SYT16: variants seen among roughly 807,000 people sequenced by gnomAD.
SYT16 encodes synaptotagmin-16.
SYT16 carries 42 observed loss-of-function variants against 61.4 expected under a neutral mutation model. The ratio of observed to expected loss-of-function variants is 0.68; its 90% CI spans 0.53 to 0.89. The LOEUF (loss-of-function observed/expected upper bound fraction) is 0.89, where lower values mean the gene tolerates loss of function less well. SYT16 is among the 40% of genes least tolerant of loss of function. The pLI is 0.00. For synonymous variants in SYT16, 314 were observed against 302.3 expected, an observed-to-expected ratio of 1.04 and a Z score of -0.40; for missense variants, 804 against 807.3, an observed-to-expected ratio of 1.00 and a Z score of 0.05.
At chr14:62,031,942 A>G (rs1025956104) in intron 3 of SYT16, among the ~76,000 whole-genome samples, 1 of 152,164 alleles carries the variant, frequency 6.6e-6, no homozygotes, top group Non-Finnish European at 1.5e-5. Context: ...CCTAAAAGCA[A>G]GAGGCTGTAG....
At chr14:62,082,867 C>T (rs1375885548) in intron 6 of SYT16, among the ~76,000 whole-genome samples, 1 of 152,164 alleles carries the variant, frequency 6.6e-6, no homozygotes, top group Non-Finnish European at 1.5e-5. Context: ...CTTTCATTCA[C>T]CAGTTATTTG....
chr14:61,874,575 C>G (rs2047428907), intron 1 of SYT16, among the ~76,000 whole-genome samples: 1 of 152,090 alleles, frequency 6.6e-6, no homozygotes, highest in Admixed American at 6.5e-5. Flanking sequence ...CCAGGTATTA[C>G]AGTGCTTCAA....
chr14:62,062,526 C>T (rs2055870164), intron 3 of SYT16, among the ~76,000 whole-genome samples: 1 of 152,088 alleles, frequency 6.6e-6, no homozygotes, highest in Admixed American at 6.6e-5. Context: ...CTTAGACTTC[C>T]TCAGGGAATA....
At chr14:61,832,229 G>C in intron 1 of SYT16, 1 of 630,712 alleles carries the variant, frequency 1.6e-6, no homozygotes, top group Non-Finnish European at 3.1e-6. Flanking sequence ...GGGCCACATC[G>C]GGTACGGGAT....
chr14:61,986,216 TA>T (rs34924933), intron 2 of SYT16, among the ~76,000 whole-genome samples: 1 of 152,112 alleles, frequency 6.6e-6, no homozygotes, highest in Non-Finnish European at 1.5e-5. Context: ...TGTTATTTAT[TA>T]AGTTGTTTAA....
At chr14:61,833,272 C>T (rs901944172) in intron 1 of SYT16, among the ~76,000 whole-genome samples, 1 of 151,126 alleles carries the variant, frequency 6.6e-6, no homozygotes, top group African/African-American at 2.4e-5. Context: ...TCTCATGGCT[C>T]ATGGGTGGCT....
At chr14:61,869,476 TC>T (rs1466099951) in intron 1 of SYT16, among the ~76,000 whole-genome samples, 1 of 152,182 alleles carries the variant, frequency 6.6e-6, no homozygotes, top group African/African-American at 2.4e-5. Context: ...TTTATCAACA[TC>T]TACTTTCAAA....
chr14:61,901,484 T>G (rs1037308342), intron 1 of SYT16, among the ~76,000 whole-genome samples: 1 of 152,188 alleles, frequency 6.6e-6, no homozygotes, highest in African/African-American at 2.4e-5. Context: ...GAACTCTGCA[T>G]TCTGGGTAGC....
intron 4 of SYT16, among the ~76,000 whole-genome samples, chr14:62,074,270 G>A (rs2056403086): frequency 6.6e-6 from 1 of 152,184 alleles, no homozygotes; most frequent in South Asian, 2.1e-4. Flanking sequence ...GAGACTGAAG[G>A]AGTCAGGGAA....
At position 62,084,352 on chromosome 14, in the gene SYT16, C is replaced by A; in HGVS notation, c.1591C>A (p.His531Asn). 1 of 1,612,856 alleles carries A rather than the reference C, an allele frequency of 6.2e-7. No individual in the cohort carries two copies. Among genetic ancestry groups the A allele is most frequent in the Non-Finnish European group, 8.5e-7 (1 of 1,179,750 alleles). ...RLSVEMIKGS[H>N]FRNLAVNRAP... ...ATCTGTGGAAATGATCAAAGGCAGC[C>A]ATTTCCGAAACCTCGCTGTTAACCG... The change falls in exon 7 of 8, where the codon CAT (histidine) becomes AAT (asparagine). Residue 531 changes from histidine (H) to asparagine (N), a missense_variant. Transcript: ENST00000683842.
rs112479741 is a variant in SYT16 at position 61,881,064 on chromosome 14, CT to C, written c.-325+68255del. Reference sequence around the variant, plus strand: ...CATTATTTGCATCCATGAAGCCCCCCTGGTGCTCTCTTCCATCACTACCTCC... The same window carrying C: ...CATTATTTGCATCCATGAAGCCCCCCGGTGCTCTCTTCCATCACTACCTCC... On this transcript the variant is annotated intron_variant, in intron 1 of 7. Coordinates refer to ENST00000683842, the MANE Select transcript of SYT16 (RefSeq NM_001367656.1). 3.1e-3 allele frequency among the ~76,000 whole-genome samples: 469 copies of C among 152,282 alleles called. 5 individuals carry two copies. Among genetic ancestry groups the C allele is most frequent in the African/African-American group, 0.011 (451 of 41,552 alleles).
At chr14:62,019,919 T>C (rs1266744681) in intron 3 of SYT16, among the ~76,000 whole-genome samples, 2 of 152,214 alleles carry the variant, frequency 1.3e-5, no homozygotes, top group Non-Finnish European at 2.9e-5. Context: ...CAAACACTAG[T>C]AATGCTGCCA....
intron 1 of SYT16, among the ~76,000 whole-genome samples, chr14:61,856,116 G>C: frequency 6.6e-6 from 1 of 152,244 alleles, no homozygotes; most frequent in East Asian, 1.9e-4. Context: ...AGAAATGATG[G>C]ACAGCCAGAT....
At chr14:61,892,648 A>G (rs2048177731) in intron 1 of SYT16, among the ~76,000 whole-genome samples, 1 of 152,126 alleles carries the variant, frequency 6.6e-6, no homozygotes, top group Non-Finnish European at 1.5e-5. Context: ...ATTGACTCTC[A>G]TTTGGCTGAT....
At chr14:61,830,706 C>T (rs1319164470) in intron 1 of SYT16, among the ~76,000 whole-genome samples, 1 of 152,082 alleles carries the variant, frequency 6.6e-6, no homozygotes, top group South Asian at 2.1e-4. Context: ...TTAGTAAGTG[C>T]AGGGTGGTAG....
intron 1 of SYT16, among the ~76,000 whole-genome samples, chr14:61,913,911 G>GCA (rs2049024665): frequency 6.6e-6 from 1 of 152,110 alleles, no homozygotes; most frequent in African/African-American, 2.4e-5. Flanking sequence ...GGAAAATAAT[G>GCA]CACACACTAT....
intron 1 of SYT16, among the ~76,000 whole-genome samples, chr14:61,862,784 C>G (rs532902989): frequency 6.6e-6 from 1 of 152,334 alleles, no homozygotes; most frequent in Admixed American, 6.5e-5. Context: ...TCCTTCTACC[C>G]TTTCTAACCC....
rs775455829 is a variant in SYT16, at chr14:62,081,171, C to T, written c.1331C>T (p.Thr444Ile). 14 of 1,613,796 alleles carry T rather than the reference C, an allele frequency of 8.7e-6. No individual in the cohort carries two copies. Among genetic ancestry groups the T allele is most frequent in the Non-Finnish European group, 1.1e-5 (13 of 1,179,870 alleles). The stretch of plus-strand genomic sequence containing the variant: ...CGCCTGTACGCTGCCCGGAAGATGA[C>T]CCGAGAGAGAATGATGGGAGAGAAA... ...RFRLYAARKM[T>I]RERMMGEKLF... The change falls in exon 6 of 8, where the codon ACC becomes ATC. Residue 444 changes from threonine to isoleucine, a missense_variant. Coordinates refer to ENST00000683842, the MANE Select transcript of SYT16 (RefSeq NM_001367656.1).
intron 7 of SYT16, among the ~76,000 whole-genome samples, chr14:62,092,448 T>C (rs1259093212): frequency 1.3e-5 from 2 of 152,110 alleles, no homozygotes; most frequent in African/African-American, 2.4e-5. Flanking sequence ...AGCAACATTA[T>C]TCACTATAGC....
Sources: allele counts gnomAD v4.1 joint callset (sites outside exome capture counted in the v4.1 genomes callset), GRCh38; gene constraint gnomAD v4.1.1; transcripts MANE v1.5; gene names NCBI Gene and HGNC (gene_info 2026-07-23, HGNC 2026-07-21).